RIMS1: variants seen among roughly 807,000 people sequenced by gnomAD.
RIMS1 encodes regulating synaptic membrane exocytosis protein 1.
A neutral mutation model predicts 214.1 loss-of-function variants in RIMS1; 83 were observed. The observed-to-expected ratio is 0.39, with a 90% CI of 0.32 to 0.47. The LOEUF is 0.47. RIMS1 is among the 20% of genes least tolerant of loss of function. The pLI is 0.99. For synonymous variants in RIMS1, 793 were observed against 786.8 expected (o/e 1.01, Z -0.13); for missense variants, 2,050 against 2,161.8 (o/e 0.95, Z 1.03).
In RIMS1 at chr6:72,237,940, A is replaced by C; in HGVS notation, c.1957+18A>C. On this transcript the variant is annotated intron_variant, in intron 9 of 33. Coordinates refer to ENST00000521978, the MANE Select transcript of RIMS1 (RefSeq NM_014989.7). ...AAGAGCAGGTAAAGTTTCTTTTTTT[A>C]ATATTTAAACAGTGTGTTCTCCATG... 6.4e-7 allele frequency: 1 copy of C among 1,562,548 alleles called. No homozygotes were observed. Among genetic ancestry groups the C allele is most frequent in the Non-Finnish European group, 8.8e-7 (1 of 1,141,352 alleles).
intron 2 of RIMS1, among the ~76,000 whole-genome samples, chr6:72,077,009 T>C (rs1044906251): frequency 3.3e-5 from 5 of 152,192 alleles, no homozygotes; most frequent in Non-Finnish European, 7.4e-5. Flanking sequence ...TGACTTCATG[T>C]AACTGACCTT....
At chr6:72,263,455 A>G in intron 19 of RIMS1, 7 of 976,954 alleles carry the variant, frequency 7.2e-6, no homozygotes, top group Non-Finnish European at 8.5e-6. Flanking sequence ...TACCCAGGTC[A>G]CAGCCAATAA....
intron 2 of RIMS1, among the ~76,000 whole-genome samples, chr6:72,009,502 CA>C (rs1350145744): frequency 6.6e-6 from 1 of 151,862 alleles, no homozygotes; most frequent in Admixed American, 6.6e-5. Context: ...AATAGAGACA[CA>C]AAAAACCTTT....
chr6:72,291,791 T>C (rs2093425858), intron 25 of RIMS1, 143 bp from the exon 26 acceptor site: 3 of 692,740 alleles, frequency 4.3e-6, no homozygotes, highest in Admixed American at 4.1e-5. Flanking sequence ...TTTACACATA[T>C]CATAAAAAGT....
rs117012600 is a variant in RIMS1, at chr6:72,378,259, G to A, written c.4367-12339G>A. Among the ~76,000 whole-genome samples, 558 of 152,080 alleles carry A rather than the reference G, an allele frequency of 3.7e-3. 4 individuals are homozygous for A. Among genetic ancestry groups the A allele is most frequent in the South Asian group, 0.017 (81 of 4,814 alleles). ...CCTATCTCTTTAAGTTGCCCTGCTG[G>A]GTCTCCCAACAGGAATTTCACAATA... On this transcript the variant is annotated intron_variant, in intron 29 of 33. Coordinates refer to ENST00000521978, the MANE Select transcript of RIMS1 (RefSeq NM_014989.7).
chr6:72,359,227 A>G (rs1028819485), intron 29 of RIMS1, among the ~76,000 whole-genome samples: 2 of 152,222 alleles, frequency 1.3e-5, no homozygotes, highest in African/African-American at 4.8e-5. Context: ...CCTTGCACCA[A>G]TCTCCAGAAA....
intron 1 of RIMS1, among the ~76,000 whole-genome samples, chr6:71,939,241 A>G (rs117413473): frequency 0.013 from 1,989 of 152,292 alleles, 20 homozygotes; most frequent in Non-Finnish European, 0.019. Context: ...CCATACTTCT[A>G]TCAACATTCT....
At chr6:72,163,427 A>C (rs2045766590) in intron 4 of RIMS1, among the ~76,000 whole-genome samples, 2 of 141,100 alleles carry the variant, frequency 1.4e-5, no homozygotes, top group African/African-American at 4.9e-5. Context: ...ATTGCTGGTG[A>C]GGAGCTGTGT....
intron 2 of RIMS1, among the ~76,000 whole-genome samples, chr6:72,033,334 T>A (rs1406203991): frequency 2.0e-5 from 3 of 152,210 alleles, no homozygotes; most frequent in African/African-American, 7.2e-5. Context: ...TTCCACCAAA[T>A]AAGCTCCTGC....
At chr6:72,169,116 T>A (rs1050991359) in intron 4 of RIMS1, among the ~76,000 whole-genome samples, 6 of 152,210 alleles carry the variant, frequency 3.9e-5, no homozygotes, top group Non-Finnish European at 8.8e-5. Context: ...TGTAAAGATG[T>A]CTGAGCTAGA....
At chr6:72,177,175 G>GT (rs1562499408) in intron 4 of RIMS1, among the ~76,000 whole-genome samples, 1 of 151,978 alleles carries the variant, frequency 6.6e-6, no homozygotes, top group South Asian at 2.1e-4. Flanking sequence ...GTGTTTTCTG[G>GT]TTTTTTAAAA....
intron 9 of RIMS1, 88 bp downstream of exon 9, chr6:72,238,010 T>C (rs2064997595): frequency 1.4e-6 from 1 of 733,448 alleles, no homozygotes; most frequent in East Asian, 2.6e-5. Context: ...TAGTTTTATA[T>C]ATACATACAT....
chr6:72,289,699 A>C (rs2093027012), intron 24 of RIMS1, among the ~76,000 whole-genome samples: 1 of 151,882 alleles, frequency 6.6e-6, no homozygotes, highest in Non-Finnish European at 1.5e-5. Context: ...GTTGAATGAC[A>C]CTCCTTTATG....
At chr6:72,062,675 CA>C (rs1452412813) in intron 2 of RIMS1, among the ~76,000 whole-genome samples, 2 of 152,140 alleles carry the variant, frequency 1.3e-5, no homozygotes, top group African/African-American at 4.8e-5. Context: ...GGGCTTATAG[CA>C]ACAGAAATGT....
rs142090310 is a variant in RIMS1 at position 72,049,241 on chromosome 6, C to T, written c.246-47708C>T. 6.1e-3 allele frequency among the ~76,000 whole-genome samples: 923 copies of T among 152,156 alleles called. 9 individuals carry two copies. The highest frequency in any genetic ancestry group is 0.02 in the African/African-American group (828 of 41,536). Reference sequence around the variant, plus strand: ...AGAACCGGGAAAATACTGCCTTGCCCTGTTGTGGGGAAACAAGTTTTTTTT... The same window carrying T: ...AGAACCGGGAAAATACTGCCTTGCCTTGTTGTGGGGAAACAAGTTTTTTTT... On this transcript the variant is annotated intron_variant, in intron 2 of 33. Coordinates refer to ENST00000521978, the MANE Select transcript of RIMS1 (RefSeq NM_014989.7).
chr6:72,121,687 A>G (rs2038357997), intron 4 of RIMS1, among the ~76,000 whole-genome samples: 1 of 151,898 alleles, frequency 6.6e-6, no homozygotes, highest in Non-Finnish European at 1.5e-5. Context: ...TTCCAACACT[A>G]TGTTGAATAG....
intron 3 of RIMS1, among the ~76,000 whole-genome samples, chr6:72,097,844 A>G (rs1280025342): frequency 1.3e-5 from 2 of 152,182 alleles, no homozygotes; most frequent in East Asian, 1.9e-4. Context: ...TGCTAATATG[A>G]TAGGAACCAA....
At position 72,182,782 on chromosome 6, in the gene RIMS1, G is replaced by C. The variant is rs769837216; in HGVS notation, c.1311G>C (p.Arg437Ser). The change falls in exon 6 of 34, where the codon AGG becomes AGC. Residue 437 changes from arginine (R) to serine (S), a missense_variant. By Grantham distance (110) the Arg-to-Ser change is moderately radical. This residue lies in a region of RIMS1 where 882 missense variants were observed against 828.9 expected (regional missense o/e 1.06). Coordinates refer to ENST00000521978, the MANE Select transcript of RIMS1 (RefSeq NM_014989.7). ...CGGCTGAGAGAACTGCGGAGACCAG[G>C]GCGCCGGGCGCCAAGCAGCTAACGA... is the stretch of plus-strand genomic sequence containing the variant. ...AYSAERTAET[R>S]APGAKQLTNH... 2 of 1,545,430 alleles carry C rather than the reference G, an allele frequency of 1.3e-6. No individual in the cohort carries two copies. The highest frequency in any genetic ancestry group is 1.7e-4 in the Middle Eastern group (1 of 5,858).
chr6:72,260,820 T>G, intron 19 of RIMS1, 53 bp downstream of exon 19: 1 of 1,598,746 alleles, frequency 6.3e-7, no homozygotes, highest in Non-Finnish European at 8.5e-7. Flanking sequence ...CTCTTTCCAT[T>G]CTATTATTCT....
Sources: gnomAD v4.1 joint callset for allele counts (sites outside exome capture counted in the v4.1 genomes callset) on GRCh38, gnomAD v4.1.1 for gene constraint, gnomAD v4.1.1 regional missense constraint, MANE v1.5 for transcripts, NCBI Gene and HGNC (gene_info 2026-07-23, HGNC 2026-07-21) for gene names.